The following NIPBL variants were observed in gnomAD, a reference collection of about 807,000 sequenced individuals.
The protein encoded by NIPBL is nipped-B-like protein.
A neutral mutation model predicts 321.8 loss-of-function variants in NIPBL; 19 were observed. The observed-to-expected ratio is 0.06, with a 90% CI of 0.04 to 0.09. The LOEUF (loss-of-function observed/expected upper bound fraction) is 0.09, where lower values mean the gene tolerates loss of function less well. NIPBL is among the 10% of genes least tolerant of loss of function. NIPBL has a pLI of 1.00. For synonymous variants in NIPBL, 1,106 were observed against 1,114.1 expected (o/e 0.99, Z 0.14); for missense variants, 2,210 against 3,327.0 (o/e 0.66, Z 8.26).
intron 27 of NIPBL, 29 bp from the exon 28 acceptor site, chr5:37,022,022 T>C: frequency 6.4e-7 from 1 of 1,572,996 alleles, no homozygotes; most frequent in Non-Finnish European, 8.7e-7. Flanking sequence ...ATTCTAAAAT[T>C]TACAAAAATG....
chr5:36,992,939 C>T (rs1745717804), intron 10 of NIPBL, among the ~76,000 whole-genome samples: 1 of 151,870 alleles, frequency 6.6e-6, no homozygotes, highest in Non-Finnish European at 1.5e-5. Context: ...GACGGGGTTT[C>T]ACTGTGTTAG....
chr5:36,907,957 T>C (rs1356242373), intron 1 of NIPBL, among the ~76,000 whole-genome samples: 1 of 152,090 alleles, frequency 6.6e-6, no homozygotes, highest in Non-Finnish European at 1.5e-5. Context: ...TAAAAAAACA[T>C]GCAGCTAAGC....
intron 4 of NIPBL, among the ~76,000 whole-genome samples, chr5:36,958,934 T>C (rs1222683165): frequency 6.6e-6 from 1 of 152,172 alleles, no homozygotes; most frequent in African/African-American, 2.4e-5. Context: ...CAGCCGGGCA[T>C]GGTGACTCAC....
At chr5:37,064,012 C>A (rs751164130) in intron 46 of NIPBL, 34 bp downstream of exon 46, 1 of 1,608,138 alleles carries the variant, frequency 6.2e-7, no homozygotes, top group South Asian at 1.1e-5. Flanking sequence ...TATTTCGCAG[C>A]GTATTACGTA....
chr5:37,013,771 C>A (rs1214086350), intron 21 of NIPBL, among the ~76,000 whole-genome samples: 3 of 152,168 alleles, frequency 2.0e-5, no homozygotes, highest in Non-Finnish European at 4.4e-5. Flanking sequence ...CGATGGGCGG[C>A]CAGGCGGAGA....
At chr5:37,018,989 G>C (rs1580489294) in intron 24 of NIPBL, among the ~76,000 whole-genome samples, 1 of 152,032 alleles carries the variant, frequency 6.6e-6, no homozygotes, top group South Asian at 2.1e-4. Flanking sequence ...TGTAGTCCCA[G>C]CTACTAGGGA....
chr5:36,905,299 T>C (rs1440947476), intron 1 of NIPBL, among the ~76,000 whole-genome samples: 1 of 152,212 alleles, frequency 6.6e-6, no homozygotes, highest in East Asian at 1.9e-4. Flanking sequence ...GTATTTCTCA[T>C]TTCTGTGTTG....
chr5:36,962,302 G>C, intron 6 of NIPBL, 28 bp downstream of exon 6: 1 of 1,612,514 alleles, frequency 6.2e-7, no homozygotes, highest in East Asian at 2.2e-5. Flanking sequence ...AACTTCACTG[G>C]GAATGTCTAA....
chr5:36,911,475 C>A (rs1407461011), intron 1 of NIPBL, among the ~76,000 whole-genome samples: 1 of 152,158 alleles, frequency 6.6e-6, no homozygotes, highest in Non-Finnish European at 1.5e-5. Context: ...CTGGCCTTTC[C>A]TATTTAATTT....
chr5:36,885,499 G>T, intron 1 of NIPBL: 2 of 503,098 alleles, frequency 4.0e-6, no homozygotes, highest in Admixed American at 2.1e-5. Context: ...ACAGAGTGAG[G>T]AGCCTAGAGA....
At chr5:37,063,758 TA>T in intron 45 of NIPBL, 31 bp from the exon 46 acceptor site, 1 of 1,581,886 alleles carries the variant, frequency 6.3e-7, no homozygotes, top group Non-Finnish European at 8.6e-7. Flanking sequence ...AATATTTACT[TA>T]AAATTCTGAA....
rs767653666 is a variant in NIPBL, at chr5:37,036,347, G to GTGTATATATATA, written c.5863-31_5863-30insGTATATATATAT. 588 of 384,490 alleles carry GTGTATATATATA rather than the reference G, an allele frequency of 1.5e-3. 1 individual carries two copies. The highest frequency in any genetic ancestry group is 0.013 in the African/African-American group (556 of 41,186). The allele number at this position is 384,490 out of a possible 1,614,324, so 23.8% of individuals were successfully genotyped here. A position where few individuals can be genotyped will look rare whatever the true frequency, so the allele number is the denominator to read the frequency against. On this transcript the variant is annotated intron_variant, in intron 32 of 46. Coordinates refer to ENST00000282516, the MANE Select transcript of NIPBL (RefSeq NM_133433.4). ...TTTTTTCTTTTTTGTATATATATAT[G>GTGTATATATATA]TATATATATATATATATATATGTAT... is the stretch of plus-strand genomic sequence containing the variant.
intron 11 of NIPBL, among the ~76,000 whole-genome samples, chr5:36,999,332 G>T (rs1238527155): frequency 1.3e-5 from 2 of 152,162 alleles, no homozygotes; most frequent in Non-Finnish European, 2.9e-5. Context: ...ATCATTGTCA[G>T]CAACAAGTGA....
At chr5:36,892,609 T>TA (rs972356529) in intron 1 of NIPBL, among the ~76,000 whole-genome samples, 2 of 151,990 alleles carry the variant, frequency 1.3e-5, no homozygotes, top group East Asian at 3.9e-4. Context: ...TATGCAGCCA[T>TA]AAAAAAGGAT....
At chr5:36,928,060 G>A (rs1749501303) in intron 1 of NIPBL, among the ~76,000 whole-genome samples, 1 of 152,086 alleles carries the variant, frequency 6.6e-6, no homozygotes, top group Admixed American at 6.5e-5. Context: ...GAGCAGGAAA[G>A]TCAGGAGACT....
At chr5:36,885,303 C>A in intron 1 of NIPBL, 1 of 498,002 alleles carries the variant, frequency 2.0e-6, no homozygotes, top group Non-Finnish European at 4.0e-6. Flanking sequence ...AGCAGTGCAG[C>A]CAGCGTCTAT....
intron 32 of NIPBL, among the ~76,000 whole-genome samples, chr5:37,035,122 C>G (rs142463943): frequency 6.6e-6 from 1 of 152,342 alleles, no homozygotes; most frequent in Non-Finnish European, 1.5e-5. Flanking sequence ...AACCCCATCT[C>G]TACAAACTGT....
intron 1 of NIPBL, among the ~76,000 whole-genome samples, chr5:36,934,736 C>T (rs16903403): frequency 0.11 from 17,079 of 151,632 alleles, 1,051 homozygotes; most frequent in Admixed American, 0.18. Flanking sequence ...AATGAATTCC[C>T]ACATAATGAA....
At position 36,946,894 on chromosome 5, in the gene NIPBL, G is replaced by A. The variant is rs140957736; in HGVS notation, c.-79-6724G>A. On this transcript the variant is annotated intron_variant, in intron 1 of 46. Coordinates refer to ENST00000282516, the MANE Select transcript of NIPBL (RefSeq NM_133433.4). The stretch of plus-strand genomic sequence containing the variant: ...AGGTTTATCTTTTTTCCATAGCAGT[G>A]TAGATGTTTCTCAGTTTTATGTCCT... Among the ~76,000 whole-genome samples, 279 of 152,184 alleles carry A rather than the reference G, an allele frequency of 1.8e-3. 1 individual carries two copies. The highest frequency in any genetic ancestry group is 1.8e-3 in the Non-Finnish European group (123 of 67,972).
Sources: gnomAD v4.1 joint callset for allele counts (sites outside exome capture counted in the v4.1 genomes callset) on GRCh38, gnomAD v4.1.1 for gene constraint, MANE v1.5 for transcripts, NCBI Gene and HGNC (gene_info 2026-07-23, HGNC 2026-07-21) for gene names.